The following KAZN variants were observed in gnomAD, a reference collection of about 807,000 sequenced individuals.
KAZN encodes the protein kazrin, periplakin interacting protein.
KAZN carries 40 observed loss-of-function variants against 87.4 expected under a neutral mutation model. That is an observed-to-expected ratio of 0.46 (90% CI 0.36 to 0.60). KAZN has a LOEUF of 0.60. KAZN is among the 20% of genes least tolerant of loss of function. The probability of loss-of-function intolerance (pLI) is 0.00; values close to 1 mark genes in which losing one functional copy is unlikely to be tolerated. For missense variants in KAZN, 898 were observed against 1,073.9 expected, an observed-to-expected ratio of 0.84 and a Z score of 2.29; for synonymous variants, 466 against 458.3, an observed-to-expected ratio of 1.02 and a Z score of -0.22.
chr1:13,982,893 C>A (rs1414930723), intron 1 of KAZN, among the ~76,000 whole-genome samples: 1 of 152,074 alleles, frequency 6.6e-6, no homozygotes, highest in East Asian at 1.9e-4. Context: ...CTGAGCTAGA[C>A]ATAAAAGTTC....
chr1:14,750,469 G>T (rs1644384097), intron 1 of KAZN, among the ~76,000 whole-genome samples: 1 of 152,086 alleles, frequency 6.6e-6, no homozygotes. Flanking sequence ...CAGTCAGCAG[G>T]AAAATATGCC....
intron 1 of KAZN, among the ~76,000 whole-genome samples, chr1:13,967,919 C>T (rs1286922817): frequency 7.2e-5 from 11 of 152,168 alleles, no homozygotes; most frequent in African/African-American, 2.7e-4. Flanking sequence ...GGGCAGCAAC[C>T]CTGGCATTGG....
intron 2 of KAZN, among the ~76,000 whole-genome samples, chr1:14,368,271 T>C (rs1168844531): frequency 2.0e-5 from 3 of 152,138 alleles, no homozygotes; most frequent in East Asian, 1.9e-4. Flanking sequence ...AGTGTTGTCT[T>C]TGGAAGGCAG....
intron 2 of KAZN, among the ~76,000 whole-genome samples, chr1:14,357,316 T>C (rs1317441798): frequency 6.6e-6 from 1 of 152,202 alleles, no homozygotes; most frequent in Non-Finnish European, 1.5e-5. Flanking sequence ...CTTAAGGAGA[T>C]TTTGGGCTGA....
chr1:14,138,109 A>G (rs12034785), intron 1 of KAZN, among the ~76,000 whole-genome samples: 82,373 of 149,348 alleles, frequency 0.55, 23,994 homozygotes, highest in East Asian at 0.72. Context: ...GTGTGTGTGT[A>G]TACATATCCT....
At chr1:14,588,374 G>A (rs1675983881) in intron 2 of KAZN, among the ~76,000 whole-genome samples, 1 of 152,212 alleles carries the variant, frequency 6.6e-6, no homozygotes, top group African/African-American at 2.4e-5. Context: ...GGCATACATA[G>A]ATTTGTGAAG....
At chr1:14,134,708 C>T (rs1645067247) in intron 1 of KAZN, among the ~76,000 whole-genome samples, 1 of 151,966 alleles carries the variant, frequency 6.6e-6, no homozygotes, top group South Asian at 2.1e-4. Flanking sequence ...CTAAATGATC[C>T]GCCTTGGGAT....
intron 1 of KAZN, among the ~76,000 whole-genome samples, chr1:14,057,151 T>C (rs1410701027): frequency 6.6e-6 from 1 of 151,936 alleles, no homozygotes; most frequent in Non-Finnish European, 1.5e-5. Context: ...TTTTTTTTTT[T>C]TGAGACGGAG....
At chr1:14,396,113 A>G (rs1217781473) in intron 2 of KAZN, among the ~76,000 whole-genome samples, 1 of 148,426 alleles carries the variant, frequency 6.7e-6, no homozygotes, top group Non-Finnish European at 1.5e-5. Context: ...GGTTGCAGTG[A>G]GCCGAGACCG....
intron 1 of KAZN, among the ~76,000 whole-genome samples, chr1:14,861,363 A>C (rs954339091): frequency 2.0e-5 from 3 of 152,218 alleles, no homozygotes; most frequent in African/African-American, 7.2e-5. Context: ...TGGGTGACAG[A>C]GTGAGAGCCT....
At chr1:13,978,557 TCAACAGAGAGGTTTAAAA>T (rs1638493504) in intron 1 of KAZN, among the ~76,000 whole-genome samples, 1 of 151,572 alleles carries the variant, frequency 6.6e-6, no homozygotes, top group Non-Finnish European at 1.5e-5. Context: ...GTAAGTTAAT[TCAACAGAGAGGTTTAAAA>T]GTAGATTAGA....
chr1:14,844,104 C>G (rs934439345), intron 1 of KAZN, among the ~76,000 whole-genome samples: 2 of 152,198 alleles, frequency 1.3e-5, no homozygotes, highest in African/African-American at 4.8e-5. Context: ...GCTTTGAGCT[C>G]TCATTAGCCA....
intron 2 of KAZN, among the ~76,000 whole-genome samples, chr1:14,439,322 C>T (rs2101438487): frequency 6.6e-6 from 1 of 152,204 alleles, no homozygotes; most frequent in East Asian, 1.9e-4. Flanking sequence ...GCACTGAGCA[C>T]TTCTCACCAC....
intron 2 of KAZN, among the ~76,000 whole-genome samples, chr1:14,454,520 T>C (rs1005280129): frequency 6.6e-6 from 1 of 152,198 alleles, no homozygotes; most frequent in Admixed American, 6.5e-5. Flanking sequence ...TGCATTATAA[T>C]CACATGTGTA....
At chr1:14,155,346 A>G (rs1436539382) in intron 1 of KAZN, among the ~76,000 whole-genome samples, 1 of 152,084 alleles carries the variant, frequency 6.6e-6, no homozygotes, top group East Asian at 1.9e-4. Context: ...GTCACTAATG[A>G]TCCTTTAATT....
At chr1:14,550,703 T>TTCTCTCTCTCTCTCTC (rs150591627) in intron 2 of KAZN, among the ~76,000 whole-genome samples, 4 of 38,638 alleles carry the variant, frequency 1.0e-4, no homozygotes, top group Non-Finnish European at 1.0e-4. Context: ...CTCTCCTCTT[T>TTCTCTCTCTCTCTCTC]TCTCTCTCTC....
chr1:14,170,947 C>T (rs1645942512), intron 1 of KAZN, among the ~76,000 whole-genome samples: 2 of 152,246 alleles, frequency 1.3e-5, no homozygotes, highest in South Asian at 2.1e-4. Flanking sequence ...CTCCTGACCT[C>T]GTGATCCACC....
At chr1:14,400,320 A>G (rs564881376) in intron 2 of KAZN, among the ~76,000 whole-genome samples, 66 of 152,336 alleles carry the variant, frequency 4.3e-4, no homozygotes, top group South Asian at 6.2e-4. Flanking sequence ...GCTTTATGGC[A>G]CTTCTCGAAT....
intron 1 of KAZN, among the ~76,000 whole-genome samples, chr1:13,922,300 T>C (rs1166079638): frequency 6.6e-6 from 1 of 152,200 alleles, no homozygotes; most frequent in African/African-American, 2.4e-5. Flanking sequence ...AGATCACGTA[T>C]GTATTAGACT....
Sources: gnomAD v4.1 joint callset for allele counts (sites outside exome capture counted in the v4.1 genomes callset) on GRCh38, gnomAD v4.1.1 for gene constraint, MANE v1.5 for transcripts, NCBI Gene and HGNC (gene_info 2026-07-23, HGNC 2026-07-21) for gene names.